MIGA2: variants seen among roughly 807,000 people sequenced by gnomAD.
The protein encoded by MIGA2 is family with sequence similarity 73, member B.
A neutral mutation model predicts 69.9 loss-of-function variants in MIGA2; 36 were observed. That is an observed-to-expected ratio of 0.52 (90% CI 0.39 to 0.68). The LOEUF is 0.68. Ranked by LOEUF, MIGA2 falls within the 30% of genes least tolerant of loss-of-function variation. The pLI, the probability that MIGA2 is intolerant of heterozygous loss-of-function variation, is 0.00. For synonymous variants in MIGA2, 333 were observed against 349.2 expected, an observed-to-expected ratio of 0.95 and a Z score of 0.52; for missense variants, 660 against 787.7, an observed-to-expected ratio of 0.84 and a Z score of 1.94.
At position 129,068,411 on chromosome 9, in the gene MIGA2, C is replaced by A. The variant is rs374261897; in HGVS notation, c.1404+79C>A. 6.4e-7 allele frequency: 1 copy of A among 1,567,236 alleles called. No homozygotes were observed. Among genetic ancestry groups the A allele is most frequent in the South Asian group, 1.1e-5 (1 of 87,326 alleles). On this transcript the variant is annotated intron_variant, in intron 13 of 15. Coordinates refer to ENST00000684074, the MANE Select transcript of MIGA2 (RefSeq NM_001329990.2). This position sits in a 1 kb window ranked among gnomAD's most constrained non-coding sequence, Gnocchi z 4.1. ...TTGCCTGGCTCCGTCCCCTCTGTCC[C>A]TAGCACTGGCACCAGGGCTGGGCCC...
chr9:129,058,080 C>G (rs1259729459), intron 6 of MIGA2, among the ~76,000 whole-genome samples: 1 of 151,944 alleles, frequency 6.6e-6, no homozygotes, highest in East Asian at 1.9e-4. Flanking sequence ...ACTAATAACT[C>G]CCCCTACTTT....
At chr9:129,052,852 A>G (rs1845618367) in intron 6 of MIGA2, among the ~76,000 whole-genome samples, 1 of 152,120 alleles carries the variant, frequency 6.6e-6, no homozygotes, top group South Asian at 2.1e-4. Flanking sequence ...AAGTGACTCA[A>G]ACCCTTGAGT....
chr9:129,063,655 G>GGGGGGGGGGGGGGGT, intron 11 of MIGA2, 24 bp downstream of exon 11: 1 of 645,746 alleles, frequency 1.5e-6, no homozygotes, highest in Non-Finnish European at 2.9e-6. Flanking sequence ...GGGTGGGGGG[G>GGGGGGGGGGGGGGGT]CAAATTATAA....
chr9:129,053,710 G>A (rs927535232), intron 6 of MIGA2, among the ~76,000 whole-genome samples: 1 of 152,174 alleles, frequency 6.6e-6, no homozygotes, highest in Non-Finnish European at 1.5e-5. Flanking sequence ...TATAGGCTGG[G>A]CACAGTGGCT....
Position 129,070,738 on chromosome 9 carries a change from CA to C in MIGA2, c.*289del. 1 of 474,866 alleles carries C rather than the reference CA, an allele frequency of 2.1e-6. No individual in the cohort carries two copies. The highest frequency in any genetic ancestry group is 3.8e-6 in the Non-Finnish European group (1 of 263,930). 29.4% of individuals were successfully genotyped at this position (474,866 alleles called of 1,614,324 possible). ...CCAGGATGCCCCAGGTGGGGGACCC[CA>C]AAACCTCCCATCGCTCCAGGGCTGC... On this transcript the variant is annotated 3_prime_UTR_variant, in exon 16 of 16. Transcript: ENST00000684074.
chr9:129,064,335 TA>T (rs1204609605), intron 11 of MIGA2, among the ~76,000 whole-genome samples: 3 of 151,646 alleles, frequency 2.0e-5, no homozygotes, highest in Non-Finnish European at 4.4e-5. Flanking sequence ...GCCTCCCGAG[TA>T]GCTGGGACTA....
Position 129,069,809 on chromosome 9 carries a change from C to A in MIGA2, c.1459-40C>A. On this transcript the variant is annotated intron_variant, in intron 14 of 15. Transcript: ENST00000684074. The surrounding 1 kb of genome is among the most constrained non-coding windows in gnomAD (Gnocchi z 4.9). ...CCTGGGCCTGGTGCCCTCATCCTAC[C>A]TGGGCCCCGCCTGGCCCCTCAGCCT... is the stretch of plus-strand genomic sequence containing the variant. 1 of 1,448,416 alleles carries A rather than the reference C, an allele frequency of 6.9e-7. No individual in the cohort carries two copies. Among genetic ancestry groups the A allele is most frequent in the South Asian group, 1.1e-5 (1 of 87,708 alleles). 89.7% of individuals were successfully genotyped at this position (1,448,416 alleles called of 1,614,324 possible).
In MIGA2 at chr9:129,049,508, G is replaced by A; in HGVS notation, c.538+10G>A. On this transcript the variant is annotated intron_variant, in intron 5 of 15. Coordinates refer to ENST00000684074, the MANE Select transcript of MIGA2 (RefSeq NM_001329990.2). ...AGCCTGTACATGCAAGGTGTGGCCA[G>A]GAGGTGCCTCAGCTTCGAGGGCAGG... is the stretch of plus-strand genomic sequence containing the variant. 1 of 1,612,058 alleles carries A rather than the reference G, an allele frequency of 6.2e-7. No individual in the cohort carries two copies. The highest frequency in any genetic ancestry group is 8.5e-7 in the Non-Finnish European group (1 of 1,178,920).
chr9:129,057,686 C>T, intron 6 of MIGA2, among the ~76,000 whole-genome samples: 1 of 151,706 alleles, frequency 6.6e-6, no homozygotes, highest in East Asian at 2.0e-4. Flanking sequence ...CTCACTGCAA[C>T]CTCAACCTCC....
At chr9:129,039,239 T>A (rs915349921) in intron 1 of MIGA2, among the ~76,000 whole-genome samples, 3 of 151,638 alleles carry the variant, frequency 2.0e-5, no homozygotes, top group African/African-American at 2.4e-5. Flanking sequence ...ATTTTATTTT[T>A]TTGTTTTTTA....
In MIGA2 at chr9:129,068,537, C is replaced by G. The variant is rs1477385135; in HGVS notation, c.1404+205C>G. On this transcript the variant is annotated intron_variant, in intron 13 of 15. Coordinates refer to ENST00000684074, the MANE Select transcript of MIGA2 (RefSeq NM_001329990.2). The surrounding 1 kb of genome is among the most constrained non-coding windows in gnomAD (Gnocchi z 4.1). ...GCTGCCTGGTGCCCCAGTTTAGAAC[C>G]AACATGGTGTGCGCTTTCTTCCTAT... 1 of 603,408 alleles carries G rather than the reference C, an allele frequency of 1.7e-6. No homozygotes were observed. Among genetic ancestry groups the G allele is most frequent in the Admixed American group, 3.1e-5 (1 of 32,362 alleles). The allele number at this position is 603,408 out of a possible 1,614,324, so 37.4% of individuals were successfully genotyped here. A position where few individuals can be genotyped will look rare whatever the true frequency, so the allele number is the denominator to read the frequency against.
Position 129,049,911 on chromosome 9 carries a change from T to A in MIGA2, c.623T>A (p.Met208Lys), listed in dbSNP as rs1201259778. The change falls in exon 6 of 16, where the codon ATG becomes AAG. Residue 208 changes from methionine to lysine, a missense_variant. Physicochemically the swap from Met to Lys is moderately conservative, Grantham distance 95. Around this residue, in one of 3 missense-constraint regions of MIGA2, gnomAD observed 386 missense variants for 402.0 expected, o/e 0.96. Coordinates refer to ENST00000684074, the MANE Select transcript of MIGA2 (RefSeq NM_001329990.2). ...CGGGGGGACAGCGGCAGCACCCCCATGCCCAGGGACGGCCTCCGGAACCCA... is the reference window on the plus strand; with the variant it reads ...CGGGGGGACAGCGGCAGCACCCCCAAGCCCAGGGACGGCCTCCGGAACCCA... ...GQRGDSGSTP[M>K]PRDGLRNPET... 6.2e-7 allele frequency: 1 copy of A among 1,613,770 alleles called. No individual in the cohort carries two copies. The highest frequency in any genetic ancestry group is 8.5e-7 in the Non-Finnish European group (1 of 1,179,974).
chr9:129,066,885 C>CT (rs1846380071), intron 11 of MIGA2, among the ~76,000 whole-genome samples: 1 of 145,634 alleles, frequency 6.9e-6, no homozygotes, highest in Non-Finnish European at 1.5e-5. Context: ...GGCGTGAACC[C>CT]GGGAGGCGGA....
chr9:129,061,364 G>A lies in MIGA2; in HGVS notation c.1010+18G>A. ...ACCCTCAGGTGAGCAGGTGTGGAGG[G>A]AGGGAGGGAGGGAGCAGGAGGCGAT... On this transcript the variant is annotated intron_variant, in intron 9 of 15. Coordinates refer to ENST00000684074, the MANE Select transcript of MIGA2 (RefSeq NM_001329990.2). This position sits in a 1 kb window ranked among gnomAD's most constrained non-coding sequence, Gnocchi z 5.0. 1.7e-6 allele frequency: 2 copies of A among 1,185,642 alleles called. No individual in the cohort carries two copies. Among genetic ancestry groups the A allele is most frequent in the Non-Finnish European group, 2.5e-6 (2 of 807,540 alleles). The allele number at this position is 1,185,642 out of a possible 1,614,324, so 73.4% of individuals were successfully genotyped here. A position where few individuals can be genotyped will look rare whatever the true frequency, so the allele number is the denominator to read the frequency against.
Position 129,069,388 on chromosome 9 carries a change from GC to G in MIGA2, c.1458+260del. On this transcript the variant is annotated intron_variant, in intron 14 of 15. Transcript: ENST00000684074. This position sits in a 1 kb window ranked among gnomAD's most constrained non-coding sequence, Gnocchi z 4.9. Reference sequence around the variant, plus strand: ...GATACCCTAGGGTAGTGGCCACAGGGCTGGCAGCTGGCCTGGTGCAGGCGTC... The same window carrying G: ...GATACCCTAGGGTAGTGGCCACAGGGTGGCAGCTGGCCTGGTGCAGGCGTC... 1 of 570,200 alleles carries G rather than the reference GC, an allele frequency of 1.8e-6. No homozygotes were observed. The allele number at this position is 570,200 out of a possible 1,614,324, so 35.3% of individuals were successfully genotyped here.
In MIGA2 at chr9:129,042,966, G is replaced by A. The variant is rs138098910; in HGVS notation, c.307+452G>A. 3.0e-4 allele frequency among the ~76,000 whole-genome samples: 46 copies of A among 152,210 alleles called. No individual in the cohort carries two copies. In the East Asian group the frequency reaches 5.8e-3, roughly 19 times the overall value. ...TCCCAGCTCCTTGGGAAGCCGAGGC[G>A]GGCAGATCACAAGGTTAGGAGATCG... is the stretch of plus-strand genomic sequence containing the variant. On this transcript the variant is annotated intron_variant, in intron 3 of 15. Transcript: ENST00000684074.
At chr9:129,065,646 G>T (rs1019777786) in intron 11 of MIGA2, among the ~76,000 whole-genome samples, 1 of 151,786 alleles carries the variant, frequency 6.6e-6, no homozygotes, top group South Asian at 2.1e-4. Flanking sequence ...CACCACGCCC[G>T]GCCTATGTAT....
Position 129,069,165 on chromosome 9 carries a change from G to C in MIGA2, c.1458+36G>C, listed in dbSNP as rs1490350396. 1 of 1,613,140 alleles carries C rather than the reference G, an allele frequency of 6.2e-7. No individual in the cohort carries two copies. The highest frequency in any genetic ancestry group is 8.5e-7 in the Non-Finnish European group (1 of 1,179,742). The stretch of plus-strand genomic sequence containing the variant: ...GGCAGGCCCGGGGGAGCACGAGCTG[G>C]GCTCTGAGGCAGCGTGGTGGGGAGC... On this transcript the variant is annotated intron_variant, in intron 14 of 15. Transcript: ENST00000684074. This position sits in a 1 kb window ranked among gnomAD's most constrained non-coding sequence, Gnocchi z 4.9.
intron 6 of MIGA2, among the ~76,000 whole-genome samples, chr9:129,051,802 T>A (rs1309783927): frequency 6.7e-6 from 1 of 149,992 alleles, no homozygotes; most frequent in Non-Finnish European, 1.5e-5. Context: ...TTTCACCATG[T>A]TAGCCAGGAT....
Sources: allele counts gnomAD v4.1 joint callset (sites outside exome capture counted in the v4.1 genomes callset), GRCh38; gene constraint gnomAD v4.1.1; regional missense constraint gnomAD v4.1.1; non-coding constraint Gnocchi (gnomAD v3.1); transcripts MANE v1.5; gene names NCBI Gene and HGNC (gene_info 2026-07-23, HGNC 2026-07-21).